The following ANAPC5 variants were observed in gnomAD, a reference collection of about 807,000 sequenced individuals.
ANAPC5 encodes anaphase promoting complex subunit 5.
ANAPC5 carries 60 observed loss-of-function variants against 91.3 expected under a neutral mutation model. That is an observed-to-expected ratio of 0.66 (90% CI 0.53 to 0.81). ANAPC5 has a LOEUF of 0.81. ANAPC5 is among the 40% of genes least tolerant of loss of function. ANAPC5 has a pLI of 0.00. For missense variants in ANAPC5, 690 were observed against 931.5 expected, an observed-to-expected ratio of 0.74 and a Z score of 3.37; for synonymous variants, 340 against 364.1, an observed-to-expected ratio of 0.93 and a Z score of 0.75.
At chr12:121,320,562 G>T in intron 11 of ANAPC5, 103 bp from the exon 12 acceptor site, 1 of 884,308 alleles carries the variant, frequency 1.1e-6, no homozygotes, top group East Asian at 2.5e-5. Flanking sequence ...CGTTCTTGAT[G>T]CAGCAACCTG....
In ANAPC5 at chr12:121,330,625, C is replaced by T; in HGVS notation, c.1080G>A (p.Leu360=). 6.2e-7 allele frequency: 1 copy of T among 1,614,100 alleles called. No individual in the cohort carries two copies. ...LGQKRSDSYV[L]LEHSVKKAVH... ...CTGCCTTCTTCACAGAATGCTCCAG[C>T]AGAACATAGCTATCGGATCTCTTCT... Residue 360 remains leucine, a synonymous_variant, in exon 9 of 17, where the codon CTG becomes CTA. Coordinates refer to ENST00000261819, the MANE Select transcript of ANAPC5 (RefSeq NM_016237.5).
chr12:121,310,933 CA>C (rs35742192), intron 15 of ANAPC5, among the ~76,000 whole-genome samples: 288 of 61,120 alleles, frequency 4.7e-3, no homozygotes, highest in Non-Finnish European at 7.5e-3. Context: ...GACTCCATCT[CA>C]AAAAAAAAAA....
intron 1 of ANAPC5, among the ~76,000 whole-genome samples, chr12:121,348,510 C>T (rs1283821075): frequency 6.6e-6 from 1 of 152,068 alleles, no homozygotes; most frequent in Non-Finnish European, 1.5e-5. Flanking sequence ...ACTAAAAACA[C>T]AAAAATTAGC....
chr12:121,352,354 TAAG>T lies in ANAPC5; in HGVS notation c.-17_-15del, dbSNP rs782222827. The stretch of plus-strand genomic sequence containing the variant: ...GACGCTGGCCATGGCGGCCCGAGAC[TAAG>T]TCTCGGGCCCGCGGCGCGCTGCCGC... On this transcript the variant is annotated 5_prime_UTR_variant, in exon 1 of 17. Transcript: ENST00000261819. The T allele has an allele frequency of 7.6e-6, 12 of 1,585,898 alleles. No individual in the cohort carries two copies. The highest frequency in any genetic ancestry group is 6.8e-5 in the East Asian group (3 of 44,276).
chr12:121,339,054 C>CTTTTTTT (rs1259383557), intron 5 of ANAPC5, among the ~76,000 whole-genome samples: 5 of 128,826 alleles, frequency 3.9e-5, no homozygotes, highest in Non-Finnish European at 5.0e-5. Flanking sequence ...ACTTTTTTTT[C>CTTTTTTT]TTTTTTTTTT....
At chr12:121,349,598 T>TA (rs1903806915) in intron 1 of ANAPC5, among the ~76,000 whole-genome samples, 1 of 149,648 alleles carries the variant, frequency 6.7e-6, no homozygotes, top group Non-Finnish European at 1.5e-5. Context: ...AATTTAAAAA[T>TA]AAAAAATTAA....
intron 2 of ANAPC5, chr12:121,347,583 A>C (rs1258490927): frequency 3.8e-6 from 2 of 524,764 alleles, no homozygotes; most frequent in East Asian, 6.6e-5. Context: ...TTGAGCCCTG[A>C]TTGCACCATT....
At chr12:121,309,584 G>T in intron 16 of ANAPC5, 117 bp downstream of exon 16, 1 of 1,213,790 alleles carries the variant, frequency 8.2e-7, no homozygotes, top group Non-Finnish European at 1.1e-6. Context: ...ATATATATTT[G>T]TGAACACTCA....
chr12:121,352,738 T>G (rs7132039), upstream of ANAPC5, among the ~76,000 whole-genome samples: 458 of 26,194 alleles, frequency 0.017, no homozygotes, highest in Non-Finnish European at 0.062. Context: ...TGGTGGTGGT[T>G]GTCGTTGTTG....
chr12:121,352,513 G>T, upstream of ANAPC5: 1 of 585,558 alleles, frequency 1.7e-6, no homozygotes, highest in Non-Finnish European at 3.0e-6. Flanking sequence ...GAGCACATGG[G>T]AGAGCGACAG....
At chr12:121,310,894 A>G (rs1201197452) in intron 15 of ANAPC5, among the ~76,000 whole-genome samples, 1 of 143,602 alleles carries the variant, frequency 7.0e-6, no homozygotes, top group Non-Finnish European at 1.5e-5. Context: ...AGATCACACC[A>G]CTGCACTCCA....
intron 10 of ANAPC5, chr12:121,328,056 GGTT>G: frequency 1.0e-5 from 4 of 385,404 alleles, no homozygotes; most frequent in East Asian, 9.5e-5. Context: ...TGTGAACCCT[GGTT>G]TACTCTCCCA....
At chr12:121,317,724 A>G (rs1224731468) in intron 15 of ANAPC5, among the ~76,000 whole-genome samples, 1 of 152,198 alleles carries the variant, frequency 6.6e-6, no homozygotes, top group East Asian at 1.9e-4. Context: ...CAGTTTGGAG[A>G]ACCTCCACTT....
chr12:121,346,850 C>G, intron 3 of ANAPC5, 46 bp downstream of exon 3: 1 of 1,196,684 alleles, frequency 8.4e-7, no homozygotes. Context: ...GAAAGCTGCT[C>G]ACTTCAATGA....
chr12:121,318,412 G>A lies in ANAPC5; in HGVS notation c.1758C>T (p.Ser586=), dbSNP rs115750764. Residue 586 remains serine (S), a synonymous_variant, in exon 15 of 17, where the codon TCC becomes TCT. Coordinates refer to ENST00000261819, the MANE Select transcript of ANAPC5 (RefSeq NM_016237.5). ...AAGATCGCCAGTACAGCTCTGCCAC[G>A]GACAGTAGGACACTGACCGTAAAGA... The part of the protein sequence containing the change: ...NTEMVISVLL[S]VAELYWRSSS... 1.3e-4 allele frequency: 204 copies of A among 1,610,592 alleles called. No homozygotes were observed. The East Asian group carries it at 3.9e-3, about 31-fold the overall frequency.
At chr12:121,318,699 A>C in intron 13 of ANAPC5, 91 bp from the exon 14 acceptor site, 1 of 1,169,554 alleles carries the variant, frequency 8.6e-7, no homozygotes, top group Non-Finnish European at 1.2e-6. Context: ...TAAACCTCCC[A>C]AGGGAAAAAA....
At chr12:121,352,054 C>T (rs1381194926) in intron 1 of ANAPC5, 80 bp downstream of exon 1, 89 of 1,342,570 alleles carry the variant, frequency 6.6e-5, no homozygotes, top group Non-Finnish European at 8.9e-5. Context: ...ACACGAGTGT[C>T]CCCAAGCCCA....
intron 3 of ANAPC5, 123 bp downstream of exon 3, chr12:121,346,772 TG>T: frequency 1.8e-6 from 1 of 540,948 alleles, no homozygotes; most frequent in Admixed American, 3.9e-5. Flanking sequence ...AAATACAAAC[TG>T]CAACACCTCC....
chr12:121,352,707 GGTT>G (rs201395836), upstream of ANAPC5, among the ~76,000 whole-genome samples: 51 of 109,294 alleles, frequency 4.7e-4, 1 homozygote, highest in East Asian at 1.6e-3. Context: ...TTTTGTTGTT[GGTT>G]GTTGTTGTTG....
Sources: allele counts gnomAD v4.1 joint callset (sites outside exome capture counted in the v4.1 genomes callset), GRCh38; gene constraint gnomAD v4.1.1; transcripts MANE v1.5; gene names NCBI Gene and HGNC (gene_info 2026-07-23, HGNC 2026-07-21).